AVEN: variants seen among roughly 807,000 people sequenced by gnomAD.
The protein encoded by AVEN is cell death regulator Aven.
In AVEN, 41 loss-of-function variants were observed where a neutral mutation model predicts 38.1. The ratio of observed to expected loss-of-function variants is 1.08; its 90% CI spans 0.84 to 1.40. AVEN has a LOEUF of 1.40. Among genes scored for constraint, AVEN ranks in the 40% most tolerant of loss-of-function variants. The probability of loss-of-function intolerance (pLI) is 0.00; values close to 1 mark genes in which losing one functional copy is unlikely to be tolerated. For missense variants in AVEN, 605 were observed against 438.8 expected, an observed-to-expected ratio of 1.38 and a Z score of -3.38; for synonymous variants, 206 against 171.8, an observed-to-expected ratio of 1.20 and a Z score of -1.56.
At chr15:33,948,387 G>C (rs1276583304) in intron 2 of AVEN, among the ~76,000 whole-genome samples, 1 of 151,982 alleles carries the variant, frequency 6.6e-6, no homozygotes, top group African/African-American at 2.4e-5. Flanking sequence ...GAGCCACCAC[G>C]CCCAGCCTAT....
Position 34,039,193 on chromosome 15 carries a change from G to A in AVEN, c.-147C>T. ...GCGGGGTGCGGGGCTAGGGATCGAG[G>A]CCGGCCGCAGCGGAGCGGGGCGGGG... is the stretch of plus-strand genomic sequence containing the variant. On this transcript the variant is annotated 5_prime_UTR_variant, in exon 1 of 6. Transcript: ENST00000306730. 1 of 652,836 alleles carries A rather than the reference G, an allele frequency of 1.5e-6. No homozygotes were observed. The highest frequency in any genetic ancestry group is 1.9e-6 in the Non-Finnish European group (1 of 518,018). The allele number at this position is 652,836 out of a possible 1,614,324, so 40.4% of individuals were successfully genotyped here.
chr15:33,917,418 T>C (rs1461274255), intron 2 of AVEN, among the ~76,000 whole-genome samples: 10 of 147,772 alleles, frequency 6.8e-5, no homozygotes, highest in Non-Finnish European at 1.5e-4. Context: ...ACTATATATA[T>C]ACACACACTA....
chr15:34,009,377 A>G (rs1344745176), intron 1 of AVEN, among the ~76,000 whole-genome samples: 4 of 152,238 alleles, frequency 2.6e-5, no homozygotes, highest in African/African-American at 9.6e-5. Flanking sequence ...ACATAAATGC[A>G]TATTTCTTCT....
chr15:33,929,157 A>C (rs1567418263), intron 2 of AVEN, among the ~76,000 whole-genome samples: 2 of 152,152 alleles, frequency 1.3e-5, no homozygotes, highest in Admixed American at 6.5e-5. Context: ...GACCTAGAAT[A>C]CCAAACTATG....
chr15:33,863,173 A>T (rs1277377756), downstream of AVEN, among the ~76,000 whole-genome samples: 2 of 152,162 alleles, frequency 1.3e-5, no homozygotes, highest in South Asian at 4.1e-4. Context: ...AGGGGAAAGA[A>T]CCCAATTTTA....
intron 2 of AVEN, among the ~76,000 whole-genome samples, chr15:34,000,472 C>A (rs1897095384): frequency 6.6e-6 from 1 of 152,186 alleles, no homozygotes; most frequent in Admixed American, 6.5e-5. Flanking sequence ...ACTCTCTCAT[C>A]TTTACCGTGG....
At chr15:33,918,148 T>C (rs1893226174) in intron 2 of AVEN, among the ~76,000 whole-genome samples, 1 of 152,210 alleles carries the variant, frequency 6.6e-6, no homozygotes, top group African/African-American at 2.4e-5. Context: ...CAAAAATAAG[T>C]TGTTTCATTC....
In AVEN at chr15:33,921,434, A is replaced by C. The variant is rs1015929503; in HGVS notation, c.446-45439T>G. On this transcript the variant is annotated intron_variant, in intron 2 of 5. Coordinates refer to ENST00000306730, the MANE Select transcript of AVEN (RefSeq NM_020371.3). ...CTCGAATTGAGAGAACAGGGAGGAGAGTGAGAGAGAGTGCATTCCTGGAAG... is the reference window on the plus strand; with the variant it reads ...CTCGAATTGAGAGAACAGGGAGGAGCGTGAGAGAGAGTGCATTCCTGGAAG... Among the ~76,000 whole-genome samples, 6 of 80,976 alleles carry C rather than the reference A, an allele frequency of 7.4e-5. No individual in the cohort carries two copies. In the Admixed American group the frequency reaches 8.0e-4, roughly 11 times the overall value. The allele number at this position is 80,976 out of a possible 152,430, so 53.1% of individuals were successfully genotyped here. A position where few individuals can be genotyped will look rare whatever the true frequency, so the allele number is the denominator to read the frequency against.
At chr15:33,940,604 C>T (rs563498534) in intron 2 of AVEN, among the ~76,000 whole-genome samples, 2 of 152,078 alleles carry the variant, frequency 1.3e-5, no homozygotes, top group African/African-American at 4.8e-5. Flanking sequence ...TGCAATGGCA[C>T]GATCTCAGCT....
At chr15:33,971,300 A>G (rs552037214) in intron 2 of AVEN, among the ~76,000 whole-genome samples, 35 of 152,184 alleles carry the variant, frequency 2.3e-4, no homozygotes, top group African/African-American at 7.7e-4. Context: ...ATATAAAAGT[A>G]TTATATTGTA....
rs1899186792 is a variant in AVEN, at chr15:34,037,272, A to AT, written c.267+1507dup. ...TAACACCAAATGTACCATTACTACAATTACTCTTAAAGCACGATCCCTGCA... is the reference window on the plus strand; with the variant it reads ...TAACACCAAATGTACCATTACTACAATTTACTCTTAAAGCACGATCCCTGCA... On this transcript the variant is annotated intron_variant, in intron 1 of 5. Coordinates refer to ENST00000306730, the MANE Select transcript of AVEN (RefSeq NM_020371.3). 4.6e-5 allele frequency among the ~76,000 whole-genome samples: 7 copies of AT among 152,160 alleles called. No individual in the cohort carries two copies. The South Asian group carries it at 1.5e-3, about 32-fold the overall frequency.
chr15:33,877,894 A>G (rs1271109081), intron 2 of AVEN, among the ~76,000 whole-genome samples: 1 of 152,228 alleles, frequency 6.6e-6, no homozygotes, highest in Non-Finnish European at 1.5e-5. Context: ...GGTTGCAGTG[A>G]GCCAAAATCA....
At chr15:33,945,435 T>G (rs1741693953) in intron 2 of AVEN, among the ~76,000 whole-genome samples, 1 of 152,150 alleles carries the variant, frequency 6.6e-6, no homozygotes, top group South Asian at 2.1e-4. Context: ...CATCCTAGTT[T>G]CTACTCAGAG....
intron 3 of AVEN, among the ~76,000 whole-genome samples, chr15:33,871,272 T>C (rs1890936879): frequency 6.6e-6 from 1 of 151,958 alleles, no homozygotes; most frequent in Admixed American, 6.6e-5. Context: ...CATCCTCCCA[T>C]CAAGACTGTC....
At chr15:33,880,543 A>G (rs1725991939) in intron 2 of AVEN, among the ~76,000 whole-genome samples, 2 of 152,314 alleles carry the variant, frequency 1.3e-5, no homozygotes, top group Admixed American at 6.5e-5. Context: ...GGAATTGACC[A>G]GCCCTCACCA....
At chr15:33,909,947 C>CA (rs927908056) in intron 2 of AVEN, among the ~76,000 whole-genome samples, 2 of 144,634 alleles carry the variant, frequency 1.4e-5, no homozygotes, top group African/African-American at 5.8e-5. Context: ...TGGCCAAATA[C>CA]AAAAAATTAC....
intron 2 of AVEN, among the ~76,000 whole-genome samples, chr15:33,925,524 T>C (rs780063975): frequency 2.0e-5 from 3 of 152,186 alleles, no homozygotes; most frequent in Admixed American, 6.5e-5. Flanking sequence ...GCAATGGTAT[T>C]AGGACCCTCA....
chr15:33,934,730 C>G (rs1054172583), intron 2 of AVEN, among the ~76,000 whole-genome samples: 1 of 152,180 alleles, frequency 6.6e-6, no homozygotes, highest in African/African-American at 2.4e-5. Flanking sequence ...ATCCTGGTTA[C>G]GCTCTCTCAG....
chr15:34,029,428 C>G (rs367803504), intron 1 of AVEN, among the ~76,000 whole-genome samples: 1 of 149,796 alleles, frequency 6.7e-6, no homozygotes, highest in Non-Finnish European at 1.5e-5. Flanking sequence ...TGCCTGTAAT[C>G]CCAGCACTTT....
Sources: allele counts gnomAD v4.1 joint callset (sites outside exome capture counted in the v4.1 genomes callset), GRCh38; gene constraint gnomAD v4.1.1; transcripts MANE v1.5; gene names NCBI Gene and HGNC (gene_info 2026-07-23, HGNC 2026-07-21).